ITGA8: variants seen among roughly 807,000 people sequenced by gnomAD.
ITGA8 encodes integrin alpha-8.
ITGA8 carries 91 observed loss-of-function variants against 142.3 expected under a neutral mutation model. The ratio of observed to expected loss-of-function variants is 0.64; its 90% confidence interval spans 0.54 to 0.76. The LOEUF (loss-of-function observed/expected upper bound fraction) is 0.76, where lower values mean the gene tolerates loss of function less well. Ranked by LOEUF, ITGA8 falls within the 30% of genes least tolerant of loss-of-function variation. The pLI, the probability that ITGA8 is intolerant of heterozygous loss-of-function variation, is 0.00. For synonymous variants in ITGA8, 505 were observed against 485.2 expected (o/e 1.04, Z -0.54); for missense variants, 1,406 against 1,327.7 (o/e 1.06, Z -0.92).
chr10:15,572,178 T>A, intron 25 of ITGA8, 33 bp downstream of exon 25: 1 of 1,507,706 alleles, frequency 6.6e-7, no homozygotes, highest in African/African-American at 1.4e-5. Flanking sequence ...AAAAATAAAA[T>A]CAACAAAGCC....
In ITGA8 at chr10:15,644,358, C is replaced by A. The variant is rs1464979160; in HGVS notation, c.1208-137G>T. ...TCATGGCTCACCGCAGCCCCACACT[C>A]CCGGACTCAAGTGATCCTCCTGCCT... On this transcript the variant is annotated intron_variant, in intron 12 of 29. Transcript: ENST00000378076. 13 of 717,686 alleles carry A rather than the reference C, an allele frequency of 1.8e-5. No homozygotes were observed. In the East Asian group the frequency reaches 3.4e-4, roughly 19 times the overall value. 44.5% of individuals were successfully genotyped at this position (717,686 alleles called of 1,614,324 possible).
rs574373412 is a variant in ITGA8, at chr10:15,628,313, A to G, written c.1400-11754T>C. Among the ~76,000 whole-genome samples the G allele has an allele frequency of 2.9e-5, 4 of 138,756 alleles. No homozygotes were observed. The South Asian group carries it at 9.0e-4, about 31-fold the overall frequency. The allele number at this position is 138,756 out of a possible 152,430, so 91.0% of individuals were successfully genotyped here. On this transcript the variant is annotated intron_variant, in intron 13 of 29. Coordinates refer to ENST00000378076, the MANE Select transcript of ITGA8 (RefSeq NM_003638.3). ...CCTTTCACTTTATGGATTCACCTCT[A>G]ATTTATTTTGGTTTTTTTTTTTTTT...
intron 15 of ITGA8, among the ~76,000 whole-genome samples, chr10:15,610,497 T>G (rs888490338): frequency 3.4e-5 from 2 of 59,492 alleles, no homozygotes; most frequent in Non-Finnish European, 7.7e-5. Context: ...ATAGGTCTGA[T>G]TGGAACAAAA....
chr10:15,517,168 G>T lies in ITGA8; in HGVS notation c.3182C>A (p.Pro1061His). The change falls in exon 30 of 30, where the codon CCT becomes CAT. Residue 1061 changes from proline to histidine, a missense_variant. Transcript: ENST00000378076. ...TCTTTTTTTTTCTTGTCATGCCTCAGGGGTCTTGTCATTTGTCAGCTGTTC... is the reference window on the plus strand; with the variant it reads ...TCTTTTTTTTTCTTGTCATGCCTCATGGGTCTTGTCATTTGTCAGCTGTTC... ...DREQLTNDKT[P>H]EA 1.2e-6 allele frequency: 2 copies of T among 1,612,154 alleles called. No homozygotes were observed. Among genetic ancestry groups the T allele is most frequent in the South Asian group, 2.2e-5 (2 of 90,978 alleles).
intron 23 of ITGA8, among the ~76,000 whole-genome samples, chr10:15,583,332 G>A (rs942987955): frequency 2.6e-5 from 4 of 152,108 alleles, no homozygotes; most frequent in African/African-American, 9.7e-5. Context: ...GTGGACAACA[G>A]GGAGGGGAAC....
intron 2 of ITGA8, among the ~76,000 whole-genome samples, chr10:15,707,992 A>ACACACC (rs1303667493): frequency 6.8e-6 from 1 of 146,546 alleles, no homozygotes; most frequent in Non-Finnish European, 1.5e-5. Context: ...ACACACACAC[A>ACACACC]CACACCATTC....
intron 22 of ITGA8, among the ~76,000 whole-genome samples, chr10:15,591,872 C>G (rs2131596412): frequency 6.6e-6 from 1 of 152,250 alleles, no homozygotes; most frequent in East Asian, 1.9e-4. Context: ...CTTTCACAGA[C>G]TTTGTTCTCA....
intron 26 of ITGA8, among the ~76,000 whole-genome samples, chr10:15,552,875 T>A (rs1175405220): frequency 5.9e-5 from 9 of 151,876 alleles, no homozygotes; most frequent in Admixed American, 5.9e-4. Flanking sequence ...TTAAAAATGA[T>A]AACATGCAGA....
chr10:15,719,436 A>G, intron 1 of ITGA8, 127 bp downstream of exon 1: 1 of 778,394 alleles, frequency 1.3e-6, no homozygotes, highest in Non-Finnish European at 1.9e-6. Context: ...GGGGAGAGGG[A>G]CGGGACCCCG....
chr10:15,587,081 C>G (rs993773954), intron 22 of ITGA8, among the ~76,000 whole-genome samples: 1 of 152,124 alleles, frequency 6.6e-6, no homozygotes. Context: ...TGCCACCACA[C>G]CCAGCTAATT....
At chr10:15,666,550 A>G in intron 8 of ITGA8, among the ~76,000 whole-genome samples, 1 of 152,142 alleles carries the variant, frequency 6.6e-6, no homozygotes, top group Admixed American at 6.5e-5. Context: ...AACTTCCAAC[A>G]CTATGTTGAA....
intron 21 of ITGA8, among the ~76,000 whole-genome samples, chr10:15,593,009 C>T (rs557840525): frequency 2.6e-5 from 4 of 152,268 alleles, no homozygotes; most frequent in South Asian, 2.1e-4. Flanking sequence ...TAATAACAAT[C>T]AACAATGAGT....
At chr10:15,548,304 G>C (rs1019740910) in intron 27 of ITGA8, 151 bp downstream of exon 27, 1 of 615,660 alleles carries the variant, frequency 1.6e-6, no homozygotes, top group African/African-American at 2.0e-5. Flanking sequence ...TGTAGGCCAG[G>C]CTTGTCTCGA....
At chr10:15,660,781 T>G in intron 9 of ITGA8, 98 bp downstream of exon 9, 1 of 973,172 alleles carries the variant, frequency 1.0e-6, no homozygotes. Flanking sequence ...CAACTGACAG[T>G]ATTTTCAATT....
chr10:15,627,196 T>G (rs1219956861), intron 13 of ITGA8, among the ~76,000 whole-genome samples: 1 of 152,238 alleles, frequency 6.6e-6, no homozygotes, highest in Admixed American at 6.5e-5. Context: ...TTGAAGTCCC[T>G]GGGTGGGACC....
chr10:15,682,853 CAAAAA>C (rs3048323), intron 4 of ITGA8, among the ~76,000 whole-genome samples: 10 of 120,164 alleles, frequency 8.3e-5, no homozygotes, highest in Admixed American at 8.6e-5. Flanking sequence ...GACCCTGTCT[CAAAAA>C]AAAAAAAAAA....
At chr10:15,527,824 G>C (rs377428015) in intron 28 of ITGA8, among the ~76,000 whole-genome samples, 50 of 151,856 alleles carry the variant, frequency 3.3e-4, no homozygotes, top group African/African-American at 1.1e-3. Flanking sequence ...CTTTCCTCAG[G>C]GGCAGATTAG....
intron 13 of ITGA8, among the ~76,000 whole-genome samples, chr10:15,618,347 CA>C (rs1180279275): frequency 2.6e-5 from 4 of 151,966 alleles, no homozygotes; most frequent in Admixed American, 6.6e-5. Context: ...AATAGAAAAA[CA>C]AAAAACAAAG....
Position 15,694,701 on chromosome 10 carries a change from A to ATATATATATATG in ITGA8, c.344-6664_344-6663insCATATATATATA, listed in dbSNP as rs1238755233. On this transcript the variant is annotated intron_variant, in intron 2 of 29. Coordinates refer to ENST00000378076, the MANE Select transcript of ITGA8 (RefSeq NM_003638.3). ...GACATATATATATATATATATATAT[A>ATATATATATATG]TGTCGACATATGTATTTCTCTCTTA... is the stretch of plus-strand genomic sequence containing the variant. Among the ~76,000 whole-genome samples the ATATATATATATG allele has an allele frequency of 2.2e-5, 3 of 137,696 alleles. No individual in the cohort carries two copies. In the East Asian group the frequency reaches 6.3e-4, roughly 29 times the overall value. The allele number at this position is 137,696 out of a possible 152,430, so 90.3% of individuals were successfully genotyped here.
Sources: gnomAD v4.1 joint callset for allele counts (sites outside exome capture counted in the v4.1 genomes callset) on GRCh38, gnomAD v4.1.1 for gene constraint, MANE v1.5 for transcripts, NCBI Gene and HGNC (gene_info 2026-07-23, HGNC 2026-07-21) for gene names.